Variants in EIF4G1 observed in about 807,000 individuals in gnomAD.
EIF4G1 encodes EIF4-gamma.
EIF4G1 carries 4 observed loss-of-function variants against 187.8 expected under a neutral mutation model. The ratio of observed to expected loss-of-function variants is 0.02; its 90% CI spans 0.01 to 0.05. The LOEUF (loss-of-function observed/expected upper bound fraction) is 0.05. Among genes scored for constraint, EIF4G1 ranks in the 10% least tolerant of loss-of-function variants. The probability of loss-of-function intolerance (pLI) is 1.00; values close to 1 mark genes in which losing one functional copy is unlikely to be tolerated. For missense variants in EIF4G1, 1,647 were observed against 2,081.1 expected (o/e 0.79, Z 4.06); for synonymous variants, 844 against 781.4 (o/e 1.08, Z -1.34).
chr3:184,318,226 G>C (rs1054525113), intron 6 of EIF4G1, among the ~76,000 whole-genome samples: 11 of 152,304 alleles, frequency 7.2e-5, no homozygotes, highest in African/African-American at 2.4e-4. Flanking sequence ...TCACCTATCA[G>C]GAAAAGTTTT....
In EIF4G1 at chr3:184,334,694, G is replaced by T; in HGVS notation, c.4619-33G>T. The T allele has an allele frequency of 6.2e-7, 1 of 1,613,852 alleles. No individual in the cohort carries two copies. ...GGGTGGGCTGGGGTGGCGGTGGCCAGTCACCTCTAACTGCTGTCCCGCCTG... is the reference window on the plus strand; with the variant it reads ...GGGTGGGCTGGGGTGGCGGTGGCCATTCACCTCTAACTGCTGTCCCGCCTG... On this transcript the variant is annotated intron_variant, in intron 32 of 32. Coordinates refer to ENST00000346169, the MANE Select transcript of EIF4G1 (RefSeq NM_198241.3). The surrounding 1 kb of genome is among the most constrained non-coding windows in gnomAD (Gnocchi z 5.8).
At position 184,319,675 on chromosome 3, in the gene EIF4G1, C is replaced by A. The variant is rs748681638; in HGVS notation, c.425-14C>A. ...GACGCTACCACCATTCTTCTCCGTC[C>A]CCCCTCCCCCAAGCTGGCGCCTACT... On this transcript the variant is annotated splice_polypyrimidine_tract_variant and intron_variant, in intron 6 of 32. Coordinates refer to ENST00000346169, the MANE Select transcript of EIF4G1 (RefSeq NM_198241.3). The A allele has an allele frequency of 7.9e-6, 12 of 1,517,596 alleles. No individual in the cohort carries two copies. In the African/African-American group the frequency reaches 1.4e-4, roughly 18 times the overall value. 94.0% of individuals were successfully genotyped at this position (1,517,596 alleles called of 1,614,324 possible). A position where few individuals can be genotyped will look rare whatever the true frequency, so the allele number is the denominator to read the frequency against.
intron 32 of EIF4G1, among the ~76,000 whole-genome samples, chr3:184,333,185 C>T (rs1577265161): frequency 6.6e-6 from 1 of 152,184 alleles, no homozygotes; most frequent in East Asian, 1.9e-4. Flanking sequence ...ATGGATGACT[C>T]CCAGGATGGT....
Position 184,315,811 on chromosome 3 carries a change from A to C in EIF4G1, c.15A>C (p.Pro5=), listed in dbSNP as rs761740519. ...CACCAAATGAAATGAACAAAGCTCC[A>C]CAGTCCACAGGCCCCCCACCCGCCC... MNKA[P]QSTGPPPAPS... Residue 5 remains proline (P), a synonymous_variant, in exon 3 of 33, where the codon CCA becomes CCC. Coordinates refer to ENST00000346169, the MANE Select transcript of EIF4G1 (RefSeq NM_198241.3). 2.6e-6 allele frequency: 4 copies of C among 1,551,520 alleles called. No individual in the cohort carries two copies. The highest frequency in any genetic ancestry group is 3.5e-6 in the Non-Finnish European group (4 of 1,146,968).
chr3:184,321,241 C>G, intron 9 of EIF4G1, 41 bp from the exon 10 acceptor site: 2 of 1,611,756 alleles, frequency 1.2e-6, no homozygotes, highest in Non-Finnish European at 1.7e-6. Context: ...AGCAGTTAAG[C>G]ACTTGCCTTT....
Position 184,325,919 on chromosome 3 carries a change from A to T in EIF4G1, c.3190A>T (p.Ile1064Phe). Residue 1064 changes from isoleucine (I) to phenylalanine (F), a missense_variant, in exon 21 of 33, where the codon ATT (isoleucine) becomes TTT (phenylalanine). This residue lies in a region of EIF4G1 where 142 missense variants were observed against 296.6 expected (regional missense o/e 0.48). Coordinates refer to ENST00000346169, the MANE Select transcript of EIF4G1 (RefSeq NM_198241.3). The surrounding 1 kb of genome is among the most constrained non-coding windows in gnomAD (Gnocchi z 5.2). ...TCCCATCAGCAAAGGTAGCCGCCCC[A>T]TTGACACCTCACGACTCACCAAGAT... ...TVPISKGSRPIDTSRLTKITK... is the reference protein window; with the variant it reads ...TVPISKGSRPFDTSRLTKITK... 6.2e-7 allele frequency: 1 copy of T among 1,614,044 alleles called. No individual in the cohort carries two copies. Among genetic ancestry groups the T allele is most frequent in the Non-Finnish European group, 8.5e-7 (1 of 1,179,982 alleles).
intron 4 of EIF4G1, chr3:184,316,683 CTCT>C (rs1560206382): frequency 1.3e-6 from 2 of 1,589,382 alleles, no homozygotes; most frequent in Non-Finnish European, 1.7e-6. Flanking sequence ...GGGGGTAATT[CTCT>C]TCTTTCCTAT....
chr3:184,316,881 T>C, intron 4 of EIF4G1: 1 of 852,518 alleles, frequency 1.2e-6, no homozygotes, highest in South Asian at 1.4e-5. Context: ...GTGATGCATG[T>C]TAGGGGCTAC....
Position 184,321,783 on chromosome 3 carries a change from C to A in EIF4G1, c.1199C>A (p.Pro400His). The change falls in exon 10 of 33, where the codon CCT becomes CAT. Residue 400 changes from proline to histidine, a missense_variant. Around this residue, in one of 11 missense-constraint regions of EIF4G1, gnomAD observed 522 missense variants for 485.2 expected, o/e 1.08. Coordinates refer to ENST00000346169, the MANE Select transcript of EIF4G1 (RefSeq NM_198241.3). ...SPVPIAPTAQ[P>H]EELLNGAPSP... ...GTGCCCATTGCTCCAACTGCCCAAC[C>A]TGAGGAACTGCTCAACGGAGCCCCC... is the stretch of plus-strand genomic sequence containing the variant. 6.2e-7 allele frequency: 1 copy of A among 1,612,006 alleles called. No individual in the cohort carries two copies. The highest frequency in any genetic ancestry group is 8.5e-7 in the Non-Finnish European group (1 of 1,178,292).
In EIF4G1 at chr3:184,334,967, C is replaced by G. The variant is rs1726855065; in HGVS notation, c.*59C>G. On this transcript the variant is annotated 3_prime_UTR_variant, in exon 33 of 33. Transcript: ENST00000346169. The surrounding 1 kb of genome is among the most constrained non-coding windows in gnomAD (Gnocchi z 5.8). ...GACACACAGATGGCCCGGCTAGCCGCCTGGACTGCAGGGGGGCGGCAGCAG... is the reference window on the plus strand; with the variant it reads ...GACACACAGATGGCCCGGCTAGCCGGCTGGACTGCAGGGGGGCGGCAGCAG... The G allele has an allele frequency of 6.2e-6, 10 of 1,607,294 alleles. No individual in the cohort carries two copies. Among genetic ancestry groups the G allele is most frequent in the Non-Finnish European group, 8.5e-6 (10 of 1,177,184 alleles).
At chr3:184,317,676 C>A in intron 5 of EIF4G1, 41 bp from the exon 6 acceptor site, 1 of 1,570,920 alleles carries the variant, frequency 6.4e-7, no homozygotes, top group South Asian at 1.1e-5. Context: ...GAACTCATAG[C>A]TCCCTCAACT....
intron 28 of EIF4G1, chr3:184,329,191 AG>A: frequency 1.6e-6 from 1 of 627,394 alleles, no homozygotes; most frequent in Non-Finnish European, 2.8e-6. Context: ...AGACTGGAGG[AG>A]AATGGCAGTC....
rs983619664 is a variant in EIF4G1, at chr3:184,317,826, G to A, written c.424+10G>A. 1.9e-5 allele frequency: 31 copies of A among 1,602,838 alleles called. No homozygotes were observed. Among genetic ancestry groups the A allele is most frequent in the Non-Finnish European group, 2.4e-5 (28 of 1,170,008 alleles). Reference sequence around the variant, plus strand: ...GAATTTGGGACCTACGGTAAGCAGGGGAGGGAGTCAGAGGTGAGAACAAGC... The same window carrying A: ...GAATTTGGGACCTACGGTAAGCAGGAGAGGGAGTCAGAGGTGAGAACAAGC... On this transcript the variant is annotated intron_variant, in intron 6 of 32. Transcript: ENST00000346169.
chr3:184,325,242 C>T lies in EIF4G1; in HGVS notation c.2857-27C>T, dbSNP rs879256294. ...GTTATAGGTGGGACATGAGAAGTTC[C>T]TGGTCTGATGCCTTTCTCCTTCCTA... On this transcript the variant is annotated intron_variant, in intron 18 of 32. Coordinates refer to ENST00000346169, the MANE Select transcript of EIF4G1 (RefSeq NM_198241.3). The surrounding 1 kb of genome is among the most constrained non-coding windows in gnomAD (Gnocchi z 5.2). 2 of 1,613,330 alleles carry T rather than the reference C, an allele frequency of 1.2e-6. No homozygotes were observed. The highest frequency in any genetic ancestry group is 1.1e-5 in the South Asian group (1 of 91,068).
intron 32 of EIF4G1, among the ~76,000 whole-genome samples, chr3:184,332,723 C>T (rs760766529): frequency 4.6e-5 from 7 of 151,772 alleles, no homozygotes; most frequent in South Asian, 2.1e-4. Flanking sequence ...ATGTTTGAAG[C>T]GAAGGCACTA....
chr3:184,315,368 G>A (rs1157000689), intron 1 of EIF4G1, 121 bp from the exon 2 acceptor site: 4 of 522,564 alleles, frequency 7.7e-6, no homozygotes, highest in South Asian at 4.2e-5. Context: ...GGACGCCACG[G>A]CCGAAGCAGC....
At chr3:184,331,166 G>C (rs1381115459) in intron 28 of EIF4G1, 100 bp from the exon 29 acceptor site, 1 of 1,265,248 alleles carries the variant, frequency 7.9e-7, no homozygotes, top group Admixed American at 1.7e-5. Context: ...CAAGTACCTA[G>C]TAGGCTTTCA....
In EIF4G1 at chr3:184,323,311, G is replaced by C; in HGVS notation, c.2088+70G>C. The C allele has an allele frequency of 6.2e-7, 1 of 1,611,502 alleles. No homozygotes were observed. ...TGGATGATTCCGTGTCTCAGTGCCC[G>C]CGGGGAGGGGTTTGCCCTGGAGGCG... On this transcript the variant is annotated intron_variant, in intron 14 of 32. Coordinates refer to ENST00000346169, the MANE Select transcript of EIF4G1 (RefSeq NM_198241.3). This position sits in a 1 kb window ranked among gnomAD's most constrained non-coding sequence, Gnocchi z 6.9.
chr3:184,320,538 G>T (rs760069977), intron 7 of EIF4G1, 92 bp from the exon 8 acceptor site: 63 of 1,606,532 alleles, frequency 3.9e-5, no homozygotes, highest in Non-Finnish European at 4.7e-5. Flanking sequence ...CCGCTGGGGG[G>T]TGGGGAGTTG....
Sources: gnomAD v4.1 joint callset for allele counts (sites outside exome capture counted in the v4.1 genomes callset) on GRCh38, gnomAD v4.1.1 for gene constraint, gnomAD v4.1.1 regional missense constraint, Gnocchi (gnomAD v3.1) non-coding constraint, MANE v1.5 for transcripts, NCBI Gene and HGNC (gene_info 2026-07-23, HGNC 2026-07-21) for gene names.